The following FBN3 variants were observed in gnomAD, a reference collection of about 807,000 sequenced individuals.
FBN3 encodes fibrillin 3, also known as fibrillin-3.
Under a neutral mutation model 330.1 loss-of-function variants are expected in FBN3, and 234 were observed. That is an observed-to-expected ratio of 0.71 (90% CI 0.64 to 0.79). The LOEUF is 0.79. Among genes scored for constraint, FBN3 ranks in the 30% least tolerant of loss-of-function variants. The pLI is 0.00. For synonymous variants in FBN3, 1,458 were observed against 1,517.3 expected (o/e 0.96, Z 0.91); for missense variants, 3,606 against 3,886.9 (o/e 0.93, Z 1.92).
At chr19:8,125,271 G>A (rs1271237173) in intron 22 of FBN3, among the ~76,000 whole-genome samples, 2 of 151,898 alleles carry the variant, frequency 1.3e-5, no homozygotes, top group African/African-American at 2.4e-5. Context: ...ATAAATTAGC[G>A]GGTGTGGTGG....
At chr19:8,083,426 G>A (rs999599613) in intron 56 of FBN3, 54 bp from the exon 57 acceptor site, 66 of 1,602,568 alleles carry the variant, frequency 4.1e-5, no homozygotes, top group African/African-American at 1.7e-4. Flanking sequence ...CGCCTCCACC[G>A]AGGAATGTCT....
Position 8,079,418 on chromosome 19 carries a change from A to AAAACAAAC in FBN3, c.7453+1577_7453+1584dup, listed in dbSNP as rs34468969. ...GGTGATGGAGCAAGACTCCATCTCT[A>AAAACAAAC]AAACAAACAAACAAACAAACAGACA... On this transcript the variant is annotated intron_variant, in intron 59 of 63. Transcript: ENST00000600128. 4.0e-3 allele frequency among the ~76,000 whole-genome samples: 606 copies of AAAACAAAC among 150,632 alleles called. 5 individuals carry two copies. Among genetic ancestry groups the AAAACAAAC allele is most frequent in the African/African-American group, 0.013 (549 of 40,844 alleles).
rs759550887 is a variant in FBN3 at position 8,100,962 on chromosome 19, C to G, written c.5100G>C (p.Gln1700His). The change falls in exon 41 of 64, where the codon CAG (glutamine) becomes CAC (histidine). Residue 1700 changes from glutamine to histidine, a missense_variant. By Grantham distance (24) the Gln-to-His change is conservative. Coordinates refer to ENST00000600128, the MANE Select transcript of FBN3 (RefSeq NM_032447.5). Reference sequence around the variant, plus strand: ...CCGGGGCCTGATTTCCACACAGGATCTGGTAGTCAGCTGCGCAAAGGGGAA... The same window carrying G: ...CCGGGGCCTGATTTCCACACAGGATGTGGTAGTCAGCTGCGCAAAGGGGAA... The part of the protein sequence containing the change: ...ACPTPISPDY[Q>H]ILCGNQAPGF... 4.3e-6 allele frequency: 7 copies of G among 1,613,670 alleles called. No homozygotes were observed. The East Asian group carries it at 1.6e-4, about 36-fold the overall frequency.
chr19:8,090,515 C>T (rs12976159), intron 48 of FBN3, among the ~76,000 whole-genome samples: 3 of 147,986 alleles, frequency 2.0e-5, no homozygotes, highest in Non-Finnish European at 4.5e-5. Context: ...ATGGAGTCTT[C>T]CTCTGTTGAC....
chr19:8,102,059 T>A (rs952956426), intron 40 of FBN3, among the ~76,000 whole-genome samples: 3 of 152,132 alleles, frequency 2.0e-5, no homozygotes, highest in Non-Finnish European at 4.4e-5. Context: ...TCTCGTGAGA[T>A]CTGACAGTTT....
chr19:8,106,299 C>T, intron 37 of FBN3, 66 bp from the exon 38 acceptor site: 1 of 1,584,040 alleles, frequency 6.3e-7, no homozygotes, highest in Non-Finnish European at 8.6e-7. Context: ...GGGGCACCCA[C>T]ACCATGCTCT....
Position 8,088,176 on chromosome 19 carries a change from G to A in FBN3, c.6380C>T (p.Thr2127Ile), listed in dbSNP as rs763249697. 2 of 1,595,474 alleles carry A rather than the reference G, an allele frequency of 1.3e-6. No individual in the cohort carries two copies. The highest frequency in any genetic ancestry group is 1.7e-6 in the Non-Finnish European group (2 of 1,168,886). Residue 2127 changes from threonine to isoleucine, a missense_variant, in exon 52 of 64, where the codon ACA becomes ATA. Transcript: ENST00000600128. ...GGGGTGGCCGACAGAGCACTCGTCT[G>A]TGTCTGGGTGGGAGTAAGGGGGTGG... ...LDFTGINCVDTDECSVGHPCG... is the reference protein window; with the variant it reads ...LDFTGINCVDIDECSVGHPCG...
At chr19:8,091,423 C>CCCCACATACCA in intron 48 of FBN3, 42 bp downstream of exon 48, 1 of 1,607,798 alleles carries the variant, frequency 6.2e-7, no homozygotes, top group Non-Finnish European at 8.5e-7. Flanking sequence ...CCCTTCCCCG[C>CCCCACATACCA]CCCACTTCCC....
At chr19:8,067,631 AAT>A (rs981621633) in intron 63 of FBN3, among the ~76,000 whole-genome samples, 4 of 152,026 alleles carry the variant, frequency 2.6e-5, no homozygotes, top group African/African-American at 9.7e-5. Context: ...CTGTCTCAAA[AAT>A]ATATATATGT....
chr19:8,068,580 T>C (rs908178910), intron 63 of FBN3, among the ~76,000 whole-genome samples: 1 of 151,822 alleles, frequency 6.6e-6, no homozygotes, highest in Non-Finnish European at 1.5e-5. Flanking sequence ...CATGTACCTG[T>C]GGTCTCAGCT....
intron 63 of FBN3, among the ~76,000 whole-genome samples, chr19:8,067,900 T>C (rs527549552): frequency 6.7e-4 from 102 of 151,298 alleles, no homozygotes; most frequent in Non-Finnish European, 1.1e-3. Flanking sequence ...CTGTCTCTAC[T>C]AAAAATACAA....
Position 8,123,814 on chromosome 19 carries a change from C to G in FBN3, c.2926G>C (p.Asp976His). 2 of 1,613,186 alleles carry G rather than the reference C, an allele frequency of 1.2e-6. No homozygotes were observed. The highest frequency in any genetic ancestry group is 1.1e-5 in the South Asian group (1 of 91,066). The change falls in exon 23 of 64, where the codon GAC becomes CAC. Residue 976 changes from aspartate to histidine, a missense_variant. By Grantham distance (81) the Asp-to-His change is moderately conservative. Transcript: ENST00000600128. ...CPRGLGFASR[D>H]FLSGRPFYKD... The stretch of plus-strand genomic sequence containing the variant: ...TAGAATGGTCGGCCAGACAGGAAGT[C>G]CCGGCTGGCGAAGCCCAGCCCCCGC...
intron 51 of FBN3, among the ~76,000 whole-genome samples, chr19:8,088,829 AAGTGAATGAATGAGGGAGCAAACG>A (rs989142926): frequency 2.0e-5 from 3 of 152,224 alleles, no homozygotes; most frequent in African/African-American, 7.2e-5. Context: ...ACAAACAAGC[AAGTGAATGAATGAGGGAGCAAACG>A]AGTGAATGAG....
chr19:8,122,672 C>T (rs2144905550), intron 24 of FBN3, among the ~76,000 whole-genome samples: 1 of 144,640 alleles, frequency 6.9e-6, no homozygotes, highest in African/African-American at 2.6e-5. Context: ...TGGCCCAGCG[C>T]CCCCTTTTTT....
Position 8,087,016 on chromosome 19 carries a change from G to A in FBN3, c.6754+61C>T, listed in dbSNP as rs1003529017. The A allele has an allele frequency of 2.5e-6, 4 of 1,569,418 alleles. No homozygotes were observed. In the African/African-American group the frequency reaches 5.5e-5, roughly 22 times the overall value. Reference sequence around the variant, plus strand: ...TCACCGTGCCCGGTCCAACCCTCTTGCTTTGACCTCTCCCTTCCACAAGGA... The same window carrying A: ...TCACCGTGCCCGGTCCAACCCTCTTACTTTGACCTCTCCCTTCCACAAGGA... On this transcript the variant is annotated intron_variant, in intron 54 of 63. Transcript: ENST00000600128.
chr19:8,125,388 T>A (rs1021329972), intron 22 of FBN3, among the ~76,000 whole-genome samples: 1 of 151,468 alleles, frequency 6.6e-6, no homozygotes. Flanking sequence ...CACTCCTGCC[T>A]GGGTGACAGA....
At chr19:8,138,673 T>C (rs2083344931) in intron 8 of FBN3, 109 bp from the exon 9 acceptor site, 1 of 1,163,380 alleles carries the variant, frequency 8.6e-7, no homozygotes. Context: ...TGTTTGCCGC[T>C]CTGTGCCTCA....
chr19:8,141,088 G>A (rs1053061410), intron 8 of FBN3, among the ~76,000 whole-genome samples: 1 of 150,924 alleles, frequency 6.6e-6, no homozygotes, highest in Non-Finnish European at 1.5e-5. Flanking sequence ...CCAGCTACTC[G>A]GGAGGCTGAG....
chr19:8,065,721 C>T lies in FBN3; in HGVS notation c.*198G>A. ...AGCTTCTTGCTGTCTCCAGGAAAGA[C>T]TGAGTAACTGGGGGGCCCCCGGGGC... On this transcript the variant is annotated 3_prime_UTR_variant, in exon 64 of 64. Coordinates refer to ENST00000600128, the MANE Select transcript of FBN3 (RefSeq NM_032447.5). 1.8e-6 allele frequency: 1 copy of T among 570,672 alleles called. No individual in the cohort carries two copies. Among genetic ancestry groups the T allele is most frequent in the Non-Finnish European group, 3.1e-6 (1 of 323,438 alleles). The allele number at this position is 570,672 out of a possible 1,614,324, so 35.4% of individuals were successfully genotyped here.
Sources: allele counts gnomAD v4.1 joint callset (sites outside exome capture counted in the v4.1 genomes callset), GRCh38; gene constraint gnomAD v4.1.1; transcripts MANE v1.5; gene names NCBI Gene and HGNC (gene_info 2026-07-23, HGNC 2026-07-21).